Variants in PAPPA2 observed in about 807,000 individuals in gnomAD.
PAPPA2 encodes pappalysin-2.
PAPPA2 carries 86 observed loss-of-function variants against 176.4 expected under a neutral mutation model. The ratio of observed to expected loss-of-function variants is 0.49; its 90% CI spans 0.41 to 0.58. PAPPA2 has a LOEUF of 0.58. PAPPA2 is among the 20% of genes least tolerant of loss of function. PAPPA2 has a pLI of 0.00. For synonymous variants in PAPPA2, 809 were observed against 852.2 expected (o/e 0.95, Z 0.88); for missense variants, 2,073 against 2,256.9 (o/e 0.92, Z 1.65).
chr1:176,489,212 G>A (rs536864125), intron 1 of PAPPA2, among the ~76,000 whole-genome samples: 3 of 152,202 alleles, frequency 2.0e-5, no homozygotes, highest in Non-Finnish European at 4.4e-5. Flanking sequence ...ATCATGCCCT[G>A]TTCTGTTCTC....
intron 2 of PAPPA2, among the ~76,000 whole-genome samples, chr1:176,560,080 C>T (rs1034701754): frequency 2.6e-5 from 4 of 152,160 alleles, no homozygotes; most frequent in African/African-American, 9.7e-5. Context: ...GAGGACTGTC[C>T]TGCCCTGGCT....
chr1:176,801,647 G>A (rs1665689613), intron 21 of PAPPA2, among the ~76,000 whole-genome samples: 1 of 152,000 alleles, frequency 6.6e-6, no homozygotes, highest in Non-Finnish European at 1.5e-5. Context: ...GGGGTAAGAA[G>A]GAGGGAAGAG....
intron 17 of PAPPA2, among the ~76,000 whole-genome samples, chr1:176,784,583 T>C (rs945419320): frequency 6.9e-6 from 1 of 144,958 alleles, no homozygotes; most frequent in East Asian, 1.9e-4. Flanking sequence ...AGCTTGCAGA[T>C]GATTCTCTTT....
At chr1:176,819,648 C>T (rs1013027956) in intron 21 of PAPPA2, among the ~76,000 whole-genome samples, 7 of 152,192 alleles carry the variant, frequency 4.6e-5, no homozygotes, top group Non-Finnish European at 7.4e-5. Context: ...TTGTCATCCC[C>T]GTGTGAGAAG....
chr1:176,705,519 A>G (rs1280468759), intron 9 of PAPPA2, among the ~76,000 whole-genome samples: 2 of 152,206 alleles, frequency 1.3e-5, no homozygotes, highest in African/African-American at 4.8e-5. Context: ...TGAGCATGAA[A>G]AAAGTCAAGG....
chr1:176,720,073 A>G (rs747489473), intron 12 of PAPPA2, among the ~76,000 whole-genome samples: 2 of 152,218 alleles, frequency 1.3e-5, no homozygotes, highest in African/African-American at 4.8e-5. Flanking sequence ...AAACTGAAAT[A>G]TGAATCGTGT....
chr1:176,508,337 C>A (rs2102519422), intron 1 of PAPPA2, among the ~76,000 whole-genome samples: 1 of 152,016 alleles, frequency 6.6e-6, no homozygotes, highest in Non-Finnish European at 1.5e-5. Flanking sequence ...AAAGAATTAG[C>A]AAACAACAAT....
rs988333326 is a variant in PAPPA2, at chr1:176,544,397, G to A, written c.-916-11010G>A. On this transcript the variant is annotated intron_variant, in intron 1 of 22. Transcript: ENST00000367662. ...AGTTGTTATATTAACACTTGATTTGGAAACACTGATGGCCTATCTTAGAGT... is the reference window on the plus strand; with the variant it reads ...AGTTGTTATATTAACACTTGATTTGAAAACACTGATGGCCTATCTTAGAGT... Among the ~76,000 whole-genome samples the A allele has an allele frequency of 4.6e-5, 7 of 152,168 alleles. No homozygotes were observed. The South Asian group carries it at 1.0e-3, about 23-fold the overall frequency.
intron 4 of PAPPA2, among the ~76,000 whole-genome samples, chr1:176,689,155 G>C (rs1376739811): frequency 6.6e-6 from 1 of 152,140 alleles, no homozygotes; most frequent in East Asian, 1.9e-4. Context: ...GACTGGGCCT[G>C]GCCCTGACAA....
rs1023412606 is a variant in PAPPA2, at chr1:176,647,550, T to C, written c.1992-23420T>C. On this transcript the variant is annotated intron_variant, in intron 3 of 22. Transcript: ENST00000367662. ...GTAGCAGTTTCATAGTTTGAGGCCT[T>C]ACATTTAAGTCTTTAATCCATTTTG... Among the ~76,000 whole-genome samples the C allele has an allele frequency of 8.6e-5, 13 of 151,862 alleles. No individual in the cohort carries two copies. In the East Asian group the frequency reaches 2.5e-3, roughly 30 times the overall value.
At chr1:176,650,112 A>G (rs1199347732) in intron 3 of PAPPA2, among the ~76,000 whole-genome samples, 4 of 151,538 alleles carry the variant, frequency 2.6e-5, no homozygotes, top group Non-Finnish European at 5.9e-5. Flanking sequence ...TCATTATATT[A>G]TCTCGCTCAA....
At chr1:176,582,176 C>T (rs997093876) in intron 2 of PAPPA2, among the ~76,000 whole-genome samples, 17 of 152,100 alleles carry the variant, frequency 1.1e-4, no homozygotes, top group African/African-American at 4.1e-4. Context: ...ATCCACCCGC[C>T]TCGGCCTCCC....
chr1:176,675,358 A>G (rs1164763220), intron 4 of PAPPA2, among the ~76,000 whole-genome samples: 3 of 152,090 alleles, frequency 2.0e-5, no homozygotes, highest in Non-Finnish European at 4.4e-5. Context: ...AATAAAAATT[A>G]TCCAGGTATT....
intron 3 of PAPPA2, among the ~76,000 whole-genome samples, chr1:176,612,841 A>G (rs937489087): frequency 6.6e-6 from 1 of 152,184 alleles, no homozygotes; most frequent in African/African-American, 2.4e-5. Flanking sequence ...TTCCAGCACA[A>G]TTTTACAGAA....
intron 20 of PAPPA2, 28 bp from the exon 21 acceptor site, chr1:176,800,033 T>G (rs1309728204): frequency 6.2e-7 from 1 of 1,613,312 alleles, no homozygotes; most frequent in Admixed American, 1.7e-5. Flanking sequence ...TTAATTTTGT[T>G]TTCTGTTTTT....
intron 17 of PAPPA2, among the ~76,000 whole-genome samples, chr1:176,780,934 G>A (rs1664683857): frequency 6.6e-6 from 1 of 152,088 alleles, no homozygotes; most frequent in Non-Finnish European, 1.5e-5. Flanking sequence ...AATAGCTATT[G>A]TATACATTTG....
At chr1:176,712,412 T>A (rs1249797659) in intron 12 of PAPPA2, among the ~76,000 whole-genome samples, 1 of 152,200 alleles carries the variant, frequency 6.6e-6, no homozygotes, top group African/African-American at 2.4e-5. Flanking sequence ...TTGACTGTTT[T>A]TGAAATTTAT....
chr1:176,839,809 C>T (rs1445829297), intron 21 of PAPPA2, among the ~76,000 whole-genome samples: 1 of 152,176 alleles, frequency 6.6e-6, no homozygotes, highest in Non-Finnish European at 1.5e-5. Context: ...GCCTACTGCA[C>T]AGGCTTTCTC....
At chr1:176,516,478 T>C (rs891708624) in intron 1 of PAPPA2, among the ~76,000 whole-genome samples, 3 of 152,134 alleles carry the variant, frequency 2.0e-5, no homozygotes, top group Non-Finnish European at 4.4e-5. Context: ...AAAATCCATG[T>C]TGAAACTTAA....
Sources: gnomAD v4.1 joint callset for allele counts (sites outside exome capture counted in the v4.1 genomes callset) on GRCh38, gnomAD v4.1.1 for gene constraint, MANE v1.5 for transcripts, NCBI Gene and HGNC (gene_info 2026-07-23, HGNC 2026-07-21) for gene names.